NRXN1: variants seen among roughly 807,000 people sequenced by gnomAD.
NRXN1 encodes the protein neurexin-1.
Under a neutral mutation model 150.9 loss-of-function variants are expected in NRXN1, and 39 were observed. That is an observed-to-expected ratio of 0.26 (90% CI 0.20 to 0.34). The LOEUF (loss-of-function observed/expected upper bound fraction) is 0.34, where lower values mean the gene tolerates loss of function less well. Ranked by LOEUF, NRXN1 falls within the 10% of genes least tolerant of loss-of-function variation. The pLI is 1.00. For synonymous variants in NRXN1, 924 were observed against 757.0 expected, an observed-to-expected ratio of 1.22 and a Z score of -3.62; for missense variants, 1,815 against 1,949.9, an observed-to-expected ratio of 0.93 and a Z score of 1.30.
At chr2:50,069,138 C>T (rs1695819209) in intron 19 of NRXN1, among the ~76,000 whole-genome samples, 1 of 152,212 alleles carries the variant, frequency 6.6e-6, no homozygotes, top group African/African-American at 2.4e-5. Flanking sequence ...AATAAGAATA[C>T]TTTGGATAGC....
chr2:50,965,872 C>T (rs538643576), intron 2 of NRXN1, among the ~76,000 whole-genome samples: 1 of 151,520 alleles, frequency 6.6e-6, no homozygotes, highest in Non-Finnish European at 1.5e-5. Flanking sequence ...AGGCTTTTTA[C>T]ATAAACTTAC....
intron 5 of NRXN1, among the ~76,000 whole-genome samples, chr2:50,802,563 A>AAGGAAGGG (rs1707763090): frequency 1.3e-5 from 2 of 149,088 alleles, no homozygotes; most frequent in African/African-American, 4.9e-5. Context: ...GGAAGGAAGG[A>AAGGAAGGG]AGGAAGGAGA....
intron 6 of NRXN1, 94 bp from the exon 7 acceptor site, chr2:50,621,343 C>T (rs1679983305): frequency 1.1e-6 from 1 of 951,686 alleles, no homozygotes; most frequent in Non-Finnish European, 1.6e-6. Flanking sequence ...CATGTTAGTA[C>T]ATTTTTTGAT....
At chr2:50,857,599 T>C (rs1053581699) in intron 5 of NRXN1, among the ~76,000 whole-genome samples, 1 of 152,090 alleles carries the variant, frequency 6.6e-6, no homozygotes, top group Non-Finnish European at 1.5e-5. Context: ...AAGAAAGATA[T>C]ACAAAGCCAT....
intron 2 of NRXN1, among the ~76,000 whole-genome samples, chr2:51,002,000 A>G (rs746391999): frequency 6.6e-6 from 1 of 152,004 alleles, no homozygotes; most frequent in African/African-American, 2.4e-5. Flanking sequence ...AAACACCCTG[A>G]TAAGTTTCCC....
At chr2:50,650,041 A>G (rs1030148905) in intron 5 of NRXN1, among the ~76,000 whole-genome samples, 2 of 151,994 alleles carry the variant, frequency 1.3e-5, no homozygotes, top group Non-Finnish European at 2.9e-5. Context: ...ACCAATTCCA[A>G]TTCAAAATGC....
chr2:50,019,076 C>T (rs543871159), intron 21 of NRXN1, among the ~76,000 whole-genome samples: 1 of 152,278 alleles, frequency 6.6e-6, no homozygotes, highest in South Asian at 2.1e-4. Flanking sequence ...TAATGACTCT[C>T]CCTGTTTTGC....
intron 13 of NRXN1, among the ~76,000 whole-genome samples, chr2:50,501,717 G>A (rs182635990): frequency 4.0e-5 from 6 of 151,640 alleles, no homozygotes; most frequent in Admixed American, 3.3e-4. Flanking sequence ...TTCCCACTTA[G>A]GGATTCCACA....
At chr2:50,158,852 G>A (rs985032183) in intron 18 of NRXN1, among the ~76,000 whole-genome samples, 5 of 152,066 alleles carry the variant, frequency 3.3e-5, no homozygotes, top group African/African-American at 1.2e-4. Flanking sequence ...CATTTGGAAA[G>A]CAATAATTGA....
chr2:50,518,422 T>A (rs550155093), intron 12 of NRXN1, among the ~76,000 whole-genome samples: 2 of 151,948 alleles, frequency 1.3e-5, no homozygotes, highest in Non-Finnish European at 2.9e-5. Context: ...TGCTTTTGAG[T>A]AAGCATTAAA....
chr2:50,899,206 G>T (rs1280682452), intron 5 of NRXN1, among the ~76,000 whole-genome samples: 4 of 152,138 alleles, frequency 2.6e-5, no homozygotes, highest in African/African-American at 4.8e-5. Context: ...TTAACCATCT[G>T]CAGCAAATCG....
intron 5 of NRXN1, among the ~76,000 whole-genome samples, chr2:50,894,887 T>G (rs1357982118): frequency 6.6e-6 from 1 of 152,184 alleles, no homozygotes; most frequent in African/African-American, 2.4e-5. Flanking sequence ...TTTGTTTGAC[T>G]AGGCAACAAA....
chr2:50,572,372 T>C (rs1670790055), intron 8 of NRXN1, among the ~76,000 whole-genome samples: 1 of 152,228 alleles, frequency 6.6e-6, no homozygotes, highest in Admixed American at 6.5e-5. Context: ...TTATACTGTT[T>C]TGTTTTTTAA....
At chr2:50,221,806 T>A (rs956408668) in intron 18 of NRXN1, among the ~76,000 whole-genome samples, 1 of 152,026 alleles carries the variant, frequency 6.6e-6, no homozygotes, top group East Asian at 1.9e-4. Flanking sequence ...TCCCTTGATA[T>A]AATCCACCCT....
chr2:50,383,407 G>A lies in NRXN1; in HGVS notation c.3364+82035C>T, dbSNP rs549442083. ...ACCATTAAGAGGAAATCTCCATACA[G>A]TCTGAGATCTCCCAGGCTCAAAACA... On this transcript the variant is annotated intron_variant, in intron 17 of 22. Transcript: ENST00000401669. Among the ~76,000 whole-genome samples, 24 of 152,158 alleles carry A rather than the reference G, an allele frequency of 1.6e-4. No homozygotes were observed. In the South Asian group the frequency reaches 4.6e-3, roughly 29 times the overall value.
chr2:49,919,843 T>A lies in NRXN1; in HGVS notation c.*2101A>T, dbSNP rs1334703733. ...GTGGTGATTTGCTATGAATTATACA[T>A]ATTTCTAAGGTGCTGTATGTCTGAA... On this transcript the variant is annotated 3_prime_UTR_variant, in exon 23 of 23. Coordinates refer to ENST00000401669, the MANE Select transcript of NRXN1 (RefSeq NM_001330078.2). 6.6e-6 allele frequency: 1 copy of A among 152,180 alleles called. No individual in the cohort carries two copies. Among genetic ancestry groups the A allele is most frequent in the Non-Finnish European group, 1.5e-5 (1 of 67,988 alleles). 9.4% of individuals were successfully genotyped at this position (152,180 alleles called of 1,614,324 possible).
intron 18 of NRXN1, among the ~76,000 whole-genome samples, chr2:50,215,055 AT>A (rs1193649088): frequency 1.3e-5 from 2 of 152,020 alleles, no homozygotes; most frequent in African/African-American, 4.8e-5. Flanking sequence ...CACAAAATTC[AT>A]TTTAGATAAT....
chr2:50,326,625 A>G (rs1351842540), intron 17 of NRXN1, among the ~76,000 whole-genome samples: 2 of 152,168 alleles, frequency 1.3e-5, no homozygotes, highest in African/African-American at 2.4e-5. Flanking sequence ...TAGTAACACT[A>G]CTATTTAGTG....
rs10522429 is a variant in NRXN1 at position 50,408,837 on chromosome 2, A to ATCTCTCTCTCTCTCTCTCTC, written c.3364+56585_3364+56604dup. 5.9e-3 allele frequency among the ~76,000 whole-genome samples: 812 copies of ATCTCTCTCTCTCTCTCTCTC among 136,552 alleles called. 23 individuals are homozygous for ATCTCTCTCTCTCTCTCTCTC. Among genetic ancestry groups the ATCTCTCTCTCTCTCTCTCTC allele is most frequent in the Non-Finnish European group, 8.8e-3 (548 of 62,036 alleles). The allele number at this position is 136,552 out of a possible 152,430, so 89.6% of individuals were successfully genotyped here. A position where few individuals can be genotyped will look rare whatever the true frequency, so the allele number is the denominator to read the frequency against. On this transcript the variant is annotated intron_variant, in intron 17 of 22. Coordinates refer to ENST00000401669, the MANE Select transcript of NRXN1 (RefSeq NM_001330078.2). Reference sequence around the variant, plus strand: ...TCAAGAGTTGGGTGAATCAATCTCAATCTCTCTCTCTCTCTCTCTCTCTCT... The same window carrying ATCTCTCTCTCTCTCTCTCTC: ...TCAAGAGTTGGGTGAATCAATCTCAATCTCTCTCTCTCTCTCTCTCTCTCTCTCTCTCTCTCTCTCTCTCT...
Sources: allele counts gnomAD v4.1 joint callset (sites outside exome capture counted in the v4.1 genomes callset), GRCh38; gene constraint gnomAD v4.1.1; transcripts MANE v1.5; gene names NCBI Gene and HGNC (gene_info 2026-07-23, HGNC 2026-07-21).